ANKRD17: variants seen among roughly 807,000 people sequenced by gnomAD.
The protein encoded by ANKRD17 is ankyrin repeat domain-containing protein 17.
Under a neutral mutation model 229.7 loss-of-function variants are expected in ANKRD17, and 19 were observed. That is an observed-to-expected ratio of 0.08 (90% CI 0.06 to 0.12). The LOEUF (loss-of-function observed/expected upper bound fraction) is 0.12. Ranked by LOEUF, ANKRD17 falls within the 10% of genes least tolerant of loss-of-function variation. The probability of loss-of-function intolerance (pLI) is 1.00; values close to 1 mark genes in which losing one functional copy is unlikely to be tolerated. For missense variants in ANKRD17, 2,176 were observed against 3,176.8 expected (o/e 0.68, Z 7.57); for synonymous variants, 1,112 against 1,146.1 (o/e 0.97, Z 0.60).
chr4:73,207,015 G>C (rs1354467826), intron 1 of ANKRD17, among the ~76,000 whole-genome samples: 1 of 152,002 alleles, frequency 6.6e-6, no homozygotes, highest in Non-Finnish European at 1.5e-5. Context: ...GTGGAGACAG[G>C]GTTTCGCCAT....
chr4:73,158,118 G>GAAAGAAAGAAAGGAAGAAAA (rs1421733199), intron 3 of ANKRD17, among the ~76,000 whole-genome samples: 1 of 65,010 alleles, frequency 1.5e-5, no homozygotes, highest in Non-Finnish European at 3.5e-5. Flanking sequence ...GAAAGAAGGA[G>GAAAGAAAGAAAGGAAGAAAA]AGAAAGAAAG....
intron 10 of ANKRD17, among the ~76,000 whole-genome samples, chr4:73,146,214 A>G (rs1305113770): frequency 6.6e-6 from 1 of 152,102 alleles, no homozygotes; most frequent in Non-Finnish European, 1.5e-5. Flanking sequence ...CCAAAATAAT[A>G]CATCAGATGA....
intron 2 of ANKRD17, among the ~76,000 whole-genome samples, chr4:73,173,758 T>C (rs898730984): frequency 7.9e-5 from 12 of 151,940 alleles, no homozygotes; most frequent in Non-Finnish European, 7.4e-5. Flanking sequence ...GGGAGCCACA[T>C]GAAATATAAA....
Position 73,121,609 on chromosome 4 carries a change from C to T in ANKRD17, c.3635+8G>A, listed in dbSNP as rs776847196. 2.5e-6 allele frequency: 4 copies of T among 1,613,496 alleles called. No individual in the cohort carries two copies. In the East Asian group the frequency reaches 6.7e-5, roughly 27 times the overall value. ...ATAAGGGGCTTACAGAAAGGGAATA[C>T]AACTTGCCTAGAGTTAATCTCAGCT... On this transcript the variant is annotated splice_region_variant and intron_variant, in intron 19 of 33. Transcript: ENST00000358602.
At position 73,076,221 on chromosome 4, in the gene ANKRD17, C is replaced by A. The variant is rs377560612; in HGVS notation, c.*10G>T. 3.1e-6 allele frequency: 5 copies of A among 1,604,934 alleles called. No homozygotes were observed. The African/African-American group carries it at 4.0e-5, about 13-fold the overall frequency. The stretch of plus-strand genomic sequence containing the variant: ...GAAAAGGAATCTGCAGGCTAACAAG[C>A]TGATCCTCATCAGCCAAGCTGGTTC... On this transcript the variant is annotated 3_prime_UTR_variant, in exon 34 of 34. Coordinates refer to ENST00000358602, the MANE Select transcript of ANKRD17 (RefSeq NM_032217.5).
intron 1 of ANKRD17, among the ~76,000 whole-genome samples, chr4:73,222,079 T>C (rs1470149375): frequency 1.3e-5 from 2 of 152,116 alleles, no homozygotes; most frequent in East Asian, 1.9e-4. Flanking sequence ...GTCTAAGTAT[T>C]AGGAATACCA....
chr4:73,157,451 A>G (rs185422801), intron 3 of ANKRD17, among the ~76,000 whole-genome samples: 1 of 152,216 alleles, frequency 6.6e-6, no homozygotes, highest in Non-Finnish European at 1.5e-5. Context: ...TATGCCCCAT[A>G]AACTTCCCAA....
intron 1 of ANKRD17, among the ~76,000 whole-genome samples, chr4:73,218,723 G>A (rs1741446621): frequency 2.0e-5 from 3 of 151,440 alleles, no homozygotes; most frequent in Admixed American, 2.0e-4. Context: ...CCACCTCTGT[G>A]AGACAAAATT....
At chr4:73,105,589 G>A (rs779693614) in intron 24 of ANKRD17, among the ~76,000 whole-genome samples, 24 of 152,004 alleles carry the variant, frequency 1.6e-4, no homozygotes, top group African/African-American at 3.1e-4. Context: ...TGGATTTGGC[G>A]TGCTTTGTGA....
chr4:73,230,885 C>A (rs1241939977), intron 1 of ANKRD17, among the ~76,000 whole-genome samples: 8 of 152,168 alleles, frequency 5.3e-5, no homozygotes, highest in Non-Finnish European at 8.8e-5. Flanking sequence ...CTTTTTCCAG[C>A]ATTTCACAAT....
intron 29 of ANKRD17, among the ~76,000 whole-genome samples, chr4:73,089,694 T>C (rs1722575620): frequency 6.6e-6 from 1 of 152,180 alleles, no homozygotes; most frequent in African/African-American, 2.4e-5. Context: ...AATCTAAAAA[T>C]ATTTTAAAGT....
At chr4:73,191,152 C>T (rs1259547517) in intron 1 of ANKRD17, among the ~76,000 whole-genome samples, 4 of 151,872 alleles carry the variant, frequency 2.6e-5, no homozygotes, top group African/African-American at 4.8e-5. Context: ...TACCAGATGT[C>T]AAATATAATA....
intron 1 of ANKRD17, among the ~76,000 whole-genome samples, chr4:73,189,671 T>C (rs940686763): frequency 1.3e-5 from 2 of 152,186 alleles, no homozygotes; most frequent in African/African-American, 4.8e-5. Context: ...GGTCTTAGCT[T>C]ATGTTTTACT....
At chr4:73,192,271 T>C (rs1362527950) in intron 1 of ANKRD17, among the ~76,000 whole-genome samples, 1 of 152,046 alleles carries the variant, frequency 6.6e-6, no homozygotes, top group Non-Finnish European at 1.5e-5. Flanking sequence ...ACTTAAAAAA[T>C]ATTTACCAAA....
intron 8 of ANKRD17, among the ~76,000 whole-genome samples, chr4:73,147,800 C>T (rs1021021445): frequency 2.0e-5 from 3 of 151,946 alleles, no homozygotes; most frequent in African/African-American, 7.2e-5. Context: ...ATTCAATAAG[C>T]TCTATTTCCC....
Position 73,085,434 on chromosome 4 carries a change from A to C in ANKRD17, c.6974T>G (p.Met2325Arg), listed in dbSNP as rs534030909. 1 of 1,613,410 alleles carries C rather than the reference A, an allele frequency of 6.2e-7. No individual in the cohort carries two copies. The highest frequency in any genetic ancestry group is 1.3e-5 in the African/African-American group (1 of 74,906). ...PAPSPSGIVN[M>R]DSPYGSVTPS... Reference sequence around the variant, plus strand: ...TGTTACAGAACCATATGGCGAGTCCATATTGACAATACCTATAATGTAGAA... The same window carrying C: ...TGTTACAGAACCATATGGCGAGTCCCTATTGACAATACCTATAATGTAGAA... The change falls in exon 30 of 34, where the codon ATG becomes AGG. Residue 2325 changes from methionine (M) to arginine (R), a missense_variant. Physicochemically the swap from Met to Arg is moderately conservative, Grantham distance 91 (BLOSUM62 -1). Around this residue, in one of 18 missense-constraint regions of ANKRD17, gnomAD observed 424 missense variants for 454.0 expected, o/e 0.93. Coordinates refer to ENST00000358602, the MANE Select transcript of ANKRD17 (RefSeq NM_032217.5).
At chr4:73,134,234 C>T (rs1445532727) in intron 16 of ANKRD17, among the ~76,000 whole-genome samples, 2 of 152,000 alleles carry the variant, frequency 1.3e-5, no homozygotes, top group Non-Finnish European at 2.9e-5. Context: ...AACACACATA[C>T]ACTCACTCCT....
intron 1 of ANKRD17, among the ~76,000 whole-genome samples, chr4:73,215,917 T>C (rs938445090): frequency 2.0e-5 from 3 of 152,152 alleles, no homozygotes; most frequent in Non-Finnish European, 4.4e-5. Context: ...TGACAGCAGA[T>C]ATGATGGGCA....
chr4:73,105,259 C>A (rs949607665), intron 24 of ANKRD17, among the ~76,000 whole-genome samples: 1 of 151,656 alleles, frequency 6.6e-6, no homozygotes, highest in Non-Finnish European at 1.5e-5. Flanking sequence ...AGTTTGCAGG[C>A]GGTAGCTGAA....
Sources: gnomAD v4.1 joint callset for allele counts (sites outside exome capture counted in the v4.1 genomes callset) on GRCh38, gnomAD v4.1.1 for gene constraint, gnomAD v4.1.1 regional missense constraint, MANE v1.5 for transcripts, NCBI Gene and HGNC (gene_info 2026-07-23, HGNC 2026-07-21) for gene names.